The following FRMD4A variants were observed in gnomAD, a reference collection of about 807,000 sequenced individuals.
FRMD4A encodes FERM domain containing 4A, also known as FERM domain-containing protein 4A.
A neutral mutation model predicts 129.1 loss-of-function variants in FRMD4A; 29 were observed. The ratio of observed to expected loss-of-function variants is 0.22; its 90% CI spans 0.17 to 0.31. The LOEUF (loss-of-function observed/expected upper bound fraction) is 0.31, where lower values mean the gene tolerates loss of function less well. Among genes scored for constraint, FRMD4A ranks in the 10% least tolerant of loss-of-function variants. FRMD4A has a pLI of 1.00. For synonymous variants in FRMD4A, 634 were observed against 571.6 expected, an observed-to-expected ratio of 1.11 and a Z score of -1.56; for missense variants, 1,272 against 1,375.8, an observed-to-expected ratio of 0.92 and a Z score of 1.19.
At chr10:14,162,641 GTTT>G (rs71388160) in intron 2 of FRMD4A, among the ~76,000 whole-genome samples, 1,631 of 118,354 alleles carry the variant, frequency 0.014, 28 homozygotes, top group African/African-American at 0.051. Flanking sequence ...TTTTTTTTTT[GTTT>G]TTTTTTTTTT....
At chr10:14,176,496 A>G (rs1405268370) in intron 2 of FRMD4A, among the ~76,000 whole-genome samples, 1 of 102,276 alleles carries the variant, frequency 9.8e-6, no homozygotes, top group African/African-American at 4.1e-5. Flanking sequence ...TTTTTTTGAG[A>G]CGGAGTCTCC....
chr10:13,832,207 C>T (rs963390795), intron 3 of FRMD4A, among the ~76,000 whole-genome samples: 1 of 152,134 alleles, frequency 6.6e-6, no homozygotes, highest in African/African-American at 2.4e-5. Flanking sequence ...CGGCTGCTCC[C>T]TCTCGGCCAC....
chr10:13,790,912 T>C (rs2092986165), intron 5 of FRMD4A, among the ~76,000 whole-genome samples: 1 of 151,522 alleles, frequency 6.6e-6, no homozygotes, highest in Admixed American at 6.6e-5. Flanking sequence ...GAGGAATCCA[T>C]GGAGGAGAAG....
At chr10:14,002,519 GCTCA>G (rs746955916) in intron 2 of FRMD4A, among the ~76,000 whole-genome samples, 9 of 152,158 alleles carry the variant, frequency 5.9e-5, no homozygotes, top group African/African-American at 9.7e-5. Flanking sequence ...TCTCGAATTT[GCTCA>G]CTGACAGTTT....
chr10:13,966,981 A>C (rs557858288), intron 2 of FRMD4A, among the ~76,000 whole-genome samples: 1 of 152,310 alleles, frequency 6.6e-6, no homozygotes, highest in African/African-American at 2.4e-5. Context: ...GGAATGGAAA[A>C]CCAAACACTG....
chr10:13,764,078 C>T (rs1049263671), intron 6 of FRMD4A, among the ~76,000 whole-genome samples: 1 of 152,024 alleles, frequency 6.6e-6, no homozygotes, highest in African/African-American at 2.4e-5. Context: ...TCAAAAACTG[C>T]ATATGTTTAA....
chr10:13,978,873 C>T (rs1483899783), intron 2 of FRMD4A, among the ~76,000 whole-genome samples: 1 of 152,200 alleles, frequency 6.6e-6, no homozygotes, highest in Admixed American at 6.5e-5. Context: ...CACTCCCAAG[C>T]AGCAAGCCAA....
chr10:14,097,758 G>C (rs886173694), intron 2 of FRMD4A, among the ~76,000 whole-genome samples: 10 of 151,022 alleles, frequency 6.6e-5, no homozygotes, highest in African/African-American at 2.4e-4. Context: ...TTATAGGGCA[G>C]AGTTAGCAAA....
At chr10:13,929,026 C>T (rs748324035) in intron 2 of FRMD4A, among the ~76,000 whole-genome samples, 3 of 152,298 alleles carry the variant, frequency 2.0e-5, no homozygotes, top group Non-Finnish European at 4.4e-5. Flanking sequence ...CGCTTGGCAC[C>T]CTTTTCTTTT....
chr10:13,836,005 A>ATTTGTTTTCAT (rs1554928745), intron 3 of FRMD4A, among the ~76,000 whole-genome samples: 1 of 151,778 alleles, frequency 6.6e-6, no homozygotes, highest in African/African-American at 2.4e-5. Flanking sequence ...AGAATTCAAG[A>ATTTGTTTTCAT]TTTTGTTTTT....
At chr10:13,732,186 AT>A (rs992308452) in intron 12 of FRMD4A, among the ~76,000 whole-genome samples, 1 of 152,038 alleles carries the variant, frequency 6.6e-6, no homozygotes, top group African/African-American at 2.4e-5. Context: ...CAGACTGGTG[AT>A]TAAGTGACTG....
chr10:13,689,730 T>TG (rs1201419169), intron 15 of FRMD4A, among the ~76,000 whole-genome samples: 1 of 115,984 alleles, frequency 8.6e-6, no homozygotes, highest in African/African-American at 4.0e-5. Flanking sequence ...ATTAAGAAGA[T>TG]TTTTTTTTTT....
intron 2 of FRMD4A, chr10:13,972,420 G>T: frequency 3.5e-6 from 2 of 568,672 alleles, no homozygotes; most frequent in Non-Finnish European, 4.5e-6. Context: ...CTTTGGAAGC[G>T]TCCCAAGTTT....
At chr10:13,766,771 G>A (rs1276699944) in intron 6 of FRMD4A, among the ~76,000 whole-genome samples, 2 of 152,088 alleles carry the variant, frequency 1.3e-5, no homozygotes, top group Non-Finnish European at 2.9e-5. Flanking sequence ...AATTTCCCAT[G>A]GTACTTCAAA....
intron 15 of FRMD4A, chr10:13,693,614 G>A (rs917216331): frequency 6.7e-6 from 5 of 748,122 alleles, no homozygotes; most frequent in Admixed American, 3.0e-5. Flanking sequence ...ATTGTGAAAC[G>A]CTCTGGGGGG....
At chr10:14,173,864 C>G (rs1589126546) in intron 2 of FRMD4A, among the ~76,000 whole-genome samples, 1 of 152,022 alleles carries the variant, frequency 6.6e-6, no homozygotes, top group Admixed American at 6.5e-5. Flanking sequence ...CGCTGCCGTG[C>G]AGGCAAGCCT....
intron 8 of FRMD4A, among the ~76,000 whole-genome samples, chr10:13,754,457 T>G (rs896717078): frequency 1.3e-5 from 2 of 152,250 alleles, no homozygotes; most frequent in Non-Finnish European, 2.9e-5. Context: ...TCACAGATTC[T>G]GTTCCTTTCA....
At chr10:13,856,872 G>A (rs1299174948) in intron 3 of FRMD4A, among the ~76,000 whole-genome samples, 1 of 152,096 alleles carries the variant, frequency 6.6e-6, no homozygotes, top group African/African-American at 2.4e-5. Flanking sequence ...ATTCCAGAAG[G>A]TGGCTTCTTT....
chr10:14,188,887 C>T (rs777285665), intron 2 of FRMD4A, among the ~76,000 whole-genome samples: 32 of 152,134 alleles, frequency 2.1e-4, no homozygotes, highest in Non-Finnish European at 2.9e-4. Context: ...GTCTGGGCAA[C>T]GGAGCGAGGT....
Sources: allele counts gnomAD v4.1 joint callset (sites outside exome capture counted in the v4.1 genomes callset), GRCh38; gene constraint gnomAD v4.1.1; transcripts MANE v1.5; gene names NCBI Gene and HGNC (gene_info 2026-07-23, HGNC 2026-07-21).